The following ENKUR variants were observed in gnomAD, a reference collection of about 807,000 sequenced individuals.
ENKUR encodes enkurin, TRPC channel interacting protein, also known as enkurin.
Under a neutral mutation model 27.6 loss-of-function variants are expected in ENKUR, and 19 were observed. The observed-to-expected ratio is 0.69, with a 90% CI of 0.48 to 1.01. The LOEUF (loss-of-function observed/expected upper bound fraction) is 1.01. Ranked by LOEUF, ENKUR falls within the 50% of genes least tolerant of loss-of-function variation. ENKUR has a pLI of 0.00. For missense variants in ENKUR, 312 were observed against 310.5 expected, an observed-to-expected ratio of 1.00 and a Z score of -0.04; for synonymous variants, 117 against 96.9, an observed-to-expected ratio of 1.21 and a Z score of -1.22.
intron 2 of ENKUR, among the ~76,000 whole-genome samples, chr10:25,033,338 A>G (rs1206813842): frequency 7.8e-6 from 1 of 128,430 alleles, no homozygotes; most frequent in African/African-American, 3.0e-5. Context: ...CAGGAATTTG[A>G]GGTTGCCGTG....
chr10:25,016,800 G>A (rs1209747447), upstream of ENKUR: 1 of 152,452 alleles, frequency 6.6e-6, no homozygotes, highest in African/African-American at 2.4e-5. Context: ...GTGAGTTATT[G>A]GAGGAGAAAG....
chr10:25,005,588 T>C (rs1850294148), intron 1 of ENKUR, among the ~76,000 whole-genome samples: 1 of 152,200 alleles, frequency 6.6e-6, no homozygotes, highest in African/African-American at 2.4e-5. Flanking sequence ...GCCTAGGCTG[T>C]GTTAGAAAGC....
chr10:25,061,855 C>T (rs1343623894), intron 1 of ENKUR, among the ~76,000 whole-genome samples: 1 of 152,156 alleles, frequency 6.6e-6, no homozygotes, highest in Non-Finnish European at 1.5e-5. Flanking sequence ...TCATCAATGA[C>T]TGCGTTAGAA....
intron 1 of ENKUR, among the ~76,000 whole-genome samples, chr10:25,004,718 T>A (rs766566078): frequency 1.4e-4 from 22 of 152,154 alleles, no homozygotes; most frequent in Non-Finnish European, 2.6e-4. Flanking sequence ...GTAGGTTGTT[T>A]ACTCTGTTGA....
Position 25,034,107 on chromosome 10 carries a change from AAATG to A in ENKUR, c.37+27001_37+27004del, listed in dbSNP as rs766686447. Among the ~76,000 whole-genome samples, 47 of 152,294 alleles carry A rather than the reference AAATG, an allele frequency of 3.1e-4. No homozygotes were observed. The Middle Eastern group carries it at 0.01, about 33-fold the overall frequency. On this transcript the variant is annotated intron_variant, in intron 2 of 5. Transcript: ENST00000615958. Reference sequence around the variant, plus strand: ...ATGAATGTGAAAATTATGCAAAAAAAAATGAAAGCATTCTGTGAAATCAAAAATT... The same window carrying A: ...ATGAATGTGAAAATTATGCAAAAAAAAAAGCATTCTGTGAAATCAAAAATT...
chr10:25,025,120 A>G (rs2132764983), intron 2 of ENKUR: 1 of 1,613,992 alleles, frequency 6.2e-7, no homozygotes, highest in Non-Finnish European at 8.5e-7. Flanking sequence ...CTCCACCTAT[A>G]ATACTTCAGG....
At chr10:25,017,721 TTAGA>T (rs1252036345), upstream of ENKUR, among the ~76,000 whole-genome samples, 1 of 152,174 alleles carries the variant, frequency 6.6e-6, no homozygotes, top group Non-Finnish European at 1.5e-5. Flanking sequence ...CCAAAACATT[TTAGA>T]TAGATGGATC....
At chr10:24,996,523 T>A (rs1850062918) in intron 2 of ENKUR, among the ~76,000 whole-genome samples, 1 of 152,200 alleles carries the variant, frequency 6.6e-6, no homozygotes, top group African/African-American at 2.4e-5. Context: ...TGGCCGTTTT[T>A]ACACAGCCTC....
intron 2 of ENKUR, among the ~76,000 whole-genome samples, chr10:25,048,367 C>G (rs1184156919): frequency 6.6e-6 from 1 of 151,876 alleles, no homozygotes; most frequent in Non-Finnish European, 1.5e-5. Context: ...ATCCGTGAAG[C>G]GTGGAGGCGA....
At chr10:24,990,861 A>AG (rs2132675606) in intron 3 of ENKUR, among the ~76,000 whole-genome samples, 1 of 151,496 alleles carries the variant, frequency 6.6e-6, no homozygotes, top group African/African-American at 2.4e-5. Flanking sequence ...TGGGAGGCTG[A>AG]GGGGTGGGGG....
intron 2 of ENKUR, among the ~76,000 whole-genome samples, chr10:24,999,164 G>A (rs766180091): frequency 6.6e-6 from 1 of 152,188 alleles, no homozygotes; most frequent in African/African-American, 2.4e-5. Context: ...GGTGATGCAT[G>A]TGGGCTTCAT....
upstream of ENKUR, among the ~76,000 whole-genome samples, chr10:25,017,701 A>C (rs1185039158): frequency 6.6e-6 from 1 of 151,534 alleles, no homozygotes; most frequent in Non-Finnish European, 1.5e-5. Flanking sequence ...TCTTCACATC[A>C]GATTGTCTTC....
intron 1 of ENKUR, among the ~76,000 whole-genome samples, chr10:25,002,893 C>T (rs533246081): frequency 1.1e-4 from 17 of 151,288 alleles, no homozygotes; most frequent in African/African-American, 3.2e-4. Context: ...GATATGGTCT[C>T]GTGATTAATA....
At chr10:25,050,530 A>T (rs1449694171) in intron 2 of ENKUR, among the ~76,000 whole-genome samples, 1 of 152,142 alleles carries the variant, frequency 6.6e-6, no homozygotes, top group East Asian at 1.9e-4. Flanking sequence ...CGAGAACAGC[A>T]TGAGAAAGAC....
chr10:24,995,075 C>T (rs1489692832), intron 3 of ENKUR, among the ~76,000 whole-genome samples: 4 of 152,158 alleles, frequency 2.6e-5, no homozygotes, highest in Non-Finnish European at 4.4e-5. Flanking sequence ...CACACCTTTT[C>T]AGATACAAAT....
chr10:25,047,668 G>A (rs887082798), intron 2 of ENKUR, among the ~76,000 whole-genome samples: 3 of 152,156 alleles, frequency 2.0e-5, no homozygotes, highest in Non-Finnish European at 2.9e-5. Flanking sequence ...TAAAAAGCAA[G>A]CCAGATCTTG....
intron 1 of ENKUR, among the ~76,000 whole-genome samples, chr10:25,001,235 C>T (rs901821105): frequency 6.6e-6 from 1 of 151,934 alleles, no homozygotes; most frequent in African/African-American, 2.4e-5. Flanking sequence ...TGGCTTCCAT[C>T]GTTTCTAAAG....
intron 4 of ENKUR, among the ~76,000 whole-genome samples, chr10:24,987,445 T>G (rs896647309): frequency 1.3e-5 from 2 of 151,950 alleles, no homozygotes; most frequent in African/African-American, 4.8e-5. Context: ...GAGACCAGCC[T>G]GGGCAACATA....
chr10:24,992,958 A>G lies in ENKUR; in HGVS notation c.448-2349T>C, dbSNP rs574815983. ...TGGAGCTTCATCATGATGATTCTGC[A>G]GGATCACAGAAAGATTAAATTATAT... On this transcript the variant is annotated intron_variant, in intron 3 of 5. Transcript: ENST00000331161. Among the ~76,000 whole-genome samples the G allele has an allele frequency of 1.1e-4, 16 of 152,314 alleles. No homozygotes were observed. In the South Asian group the frequency reaches 3.3e-3, roughly 32 times the overall value.
Sources: allele counts gnomAD v4.1 joint callset (sites outside exome capture counted in the v4.1 genomes callset), GRCh38; gene constraint gnomAD v4.1.1; transcripts MANE v1.5; gene names NCBI Gene and HGNC (gene_info 2026-07-23, HGNC 2026-07-21).